The following ERC2 variants were observed in gnomAD, a reference collection of about 807,000 sequenced individuals.
ERC2 encodes ERC protein 2.
In ERC2, 42 loss-of-function variants were observed where a neutral mutation model predicts 114.8. The observed-to-expected ratio is 0.37, with a 90% CI of 0.29 to 0.47. ERC2 has a LOEUF of 0.47. ERC2 is among the 20% of genes least tolerant of loss of function. The probability of loss-of-function intolerance (pLI) is 0.99; values close to 1 mark genes in which losing one functional copy is unlikely to be tolerated. For missense variants in ERC2, 939 were observed against 1,150.7 expected (o/e 0.82, Z 2.66); for synonymous variants, 454 against 425.5 (o/e 1.07, Z -0.82).
At chr3:56,468,031 G>A (rs1434216966) in intron 1 of ERC2, among the ~76,000 whole-genome samples, 1 of 152,082 alleles carries the variant, frequency 6.6e-6, no homozygotes, top group African/African-American at 2.4e-5. Context: ...CAATCCGGGG[G>A]TTTATACATC....
intron 17 of ERC2, among the ~76,000 whole-genome samples, chr3:55,530,717 G>A (rs1575487133): frequency 6.6e-6 from 1 of 152,306 alleles, no homozygotes; most frequent in East Asian, 1.9e-4. Context: ...GAAATCAGAA[G>A]GAAGAAATGG....
At position 56,281,147 on chromosome 3, in the gene ERC2, T is replaced by G. The variant is rs567564609; in HGVS notation, c.1074+14872A>C. On this transcript the variant is annotated intron_variant, in intron 3 of 17. Coordinates refer to ENST00000288221, the MANE Select transcript of ERC2 (RefSeq NM_015576.3). ...CATTTGCTATAGGACATTAAAAGTA[T>G]AGAGGACAGGCCGGGCACGGTGGCT... 5.7e-4 allele frequency among the ~76,000 whole-genome samples: 87 copies of G among 152,286 alleles called. 1 individual carries two copies. Among genetic ancestry groups the G allele is most frequent in the African/African-American group, 2.0e-3 (82 of 41,560 alleles).
chr3:55,869,864 G>A (rs999600817), intron 14 of ERC2, among the ~76,000 whole-genome samples: 11 of 152,152 alleles, frequency 7.2e-5, no homozygotes, highest in African/African-American at 2.2e-4. Flanking sequence ...TTCAAAACCC[G>A]TCACAAGAAG....
chr3:56,320,879 G>C (rs2057097455), intron 2 of ERC2, among the ~76,000 whole-genome samples: 1 of 152,134 alleles, frequency 6.6e-6, no homozygotes, highest in South Asian at 2.1e-4. Context: ...AACAACAAAT[G>C]TTTATTTCTC....
intron 13 of ERC2, 89 bp downstream of exon 13, chr3:55,950,336 C>G: frequency 6.6e-7 from 1 of 1,505,196 alleles, no homozygotes; most frequent in Non-Finnish European, 9.0e-7. Context: ...TCCACCATTT[C>G]TGTGCATATT....
At chr3:56,425,651 G>A (rs6801302) in intron 2 of ERC2, among the ~76,000 whole-genome samples, 6,481 of 145,652 alleles carry the variant, frequency 0.044, 362 homozygotes, top group African/African-American at 0.13. Context: ...TAGTAAGGAA[G>A]TTTCTTCATT....
intron 15 of ERC2, among the ~76,000 whole-genome samples, chr3:55,709,823 T>A (rs535413603): frequency 1.3e-5 from 2 of 151,756 alleles, no homozygotes; most frequent in African/African-American, 2.4e-5. Flanking sequence ...CTCCAGGAGG[T>A]GTGGAGACAG....
At chr3:55,526,233 C>T (rs1280855544) in intron 17 of ERC2, among the ~76,000 whole-genome samples, 5 of 152,136 alleles carry the variant, frequency 3.3e-5, no homozygotes, top group Non-Finnish European at 7.3e-5. Context: ...CCTGCCAGCA[C>T]CTTGATTTTG....
intron 14 of ERC2, among the ~76,000 whole-genome samples, chr3:55,782,934 A>G (rs1359195292): frequency 6.6e-6 from 1 of 152,244 alleles, no homozygotes; most frequent in East Asian, 1.9e-4. Context: ...CTCCCATTTT[A>G]CAAAAGAATA....
chr3:56,301,499 C>T (rs1002217558), intron 2 of ERC2, among the ~76,000 whole-genome samples: 1 of 152,102 alleles, frequency 6.6e-6, no homozygotes, highest in Non-Finnish European at 1.5e-5. Context: ...TCCTCCCTCT[C>T]CCCTCTTCTC....
rs746922330 is a variant in ERC2 at position 56,030,869 on chromosome 3, C to T, written c.1642-11838G>A. 2.1e-4 allele frequency among the ~76,000 whole-genome samples: 32 copies of T among 152,146 alleles called. 1 individual carries two copies. The highest frequency in any genetic ancestry group is 4.3e-4 in the Non-Finnish European group (29 of 68,034). On this transcript the variant is annotated intron_variant, in intron 7 of 17. Coordinates refer to ENST00000288221, the MANE Select transcript of ERC2 (RefSeq NM_015576.3). ...AACAGTTTCACAGTATCCAGTCAGC[C>T]CTTCCTGAATCCCAGGCAGTGCAGC...
intron 2 of ERC2, among the ~76,000 whole-genome samples, chr3:56,428,495 T>G (rs1376849404): frequency 8.2e-6 from 1 of 122,240 alleles, no homozygotes. Context: ...CACTCCAGCC[T>G]GGGCAGCAGA....
At chr3:56,070,855 C>T (rs1209632618) in intron 7 of ERC2, among the ~76,000 whole-genome samples, 1 of 152,120 alleles carries the variant, frequency 6.6e-6, no homozygotes, top group Non-Finnish European at 1.5e-5. Flanking sequence ...CCAAATGCAC[C>T]GTGCTGCCTC....
At chr3:55,559,403 C>A (rs2055850368) in intron 17 of ERC2, among the ~76,000 whole-genome samples, 1 of 152,246 alleles carries the variant, frequency 6.6e-6, no homozygotes, top group South Asian at 2.1e-4. Flanking sequence ...GCTCCAGGTG[C>A]CTGTAAAATC....
At chr3:55,724,443 G>A (rs1207191452) in intron 15 of ERC2, among the ~76,000 whole-genome samples, 1 of 152,174 alleles carries the variant, frequency 6.6e-6, no homozygotes, top group Admixed American at 6.5e-5. Context: ...CCTGGGAAGA[G>A]CATGGAAAAG....
intron 6 of ERC2, among the ~76,000 whole-genome samples, chr3:56,097,178 G>C (rs1018288375): frequency 2.6e-5 from 4 of 152,186 alleles, no homozygotes; most frequent in Admixed American, 1.3e-4. Flanking sequence ...GTTGGGACTT[G>C]TTACAGCCTC....
intron 1 of ERC2, among the ~76,000 whole-genome samples, chr3:56,443,776 G>A (rs943725868): frequency 6.6e-6 from 1 of 151,688 alleles, no homozygotes; most frequent in Non-Finnish European, 1.5e-5. Context: ...AATCAATAAT[G>A]CAATCATGTC....
In ERC2 at chr3:56,139,630, A is replaced by G. The variant is rs184223678; in HGVS notation, c.1352T>C (p.Leu451Pro). ...GGTTTCAAGCTTTGTTTGTAAGGCA[A>G]GAAGTTCCGACTCTTTCTTTGAAAG... ...QELSKKESEL[L>P]ALQTKLETLS... Residue 451 changes from leucine (L) to proline (P), a missense_variant, in exon 6 of 18, where the codon CTT (leucine) becomes CCT (proline). By Grantham distance (98) the Leu-to-Pro change is moderately conservative. This residue lies in a region of ERC2 where 149 missense variants were observed against 254.6 expected (regional missense o/e 0.59). Transcript: ENST00000288221. 6.2e-7 allele frequency: 1 copy of G among 1,611,280 alleles called. No individual in the cohort carries two copies. The highest frequency in any genetic ancestry group is 2.2e-5 in the East Asian group (1 of 44,798).
At chr3:55,953,204 CAAA>C (rs10575146) in intron 12 of ERC2, among the ~76,000 whole-genome samples, 82 of 140,522 alleles carry the variant, frequency 5.8e-4, no homozygotes, top group East Asian at 1.0e-3. Flanking sequence ...AACTCCATCT[CAAA>C]AAAAAAAAAA....
Sources: allele counts gnomAD v4.1 joint callset (sites outside exome capture counted in the v4.1 genomes callset), GRCh38; gene constraint gnomAD v4.1.1; regional missense constraint gnomAD v4.1.1; transcripts MANE v1.5; gene names NCBI Gene and HGNC (gene_info 2026-07-23, HGNC 2026-07-21).